Variants in RBM6 observed in about 807,000 individuals in gnomAD.
The protein encoded by RBM6 is RNA-binding protein 6.
Under a neutral mutation model 140.4 loss-of-function variants are expected in RBM6, and 23 were observed. The observed-to-expected ratio is 0.16, with a 90% CI of 0.12 to 0.23. The LOEUF (loss-of-function observed/expected upper bound fraction) is 0.23, where lower values mean the gene tolerates loss of function less well. Ranked by LOEUF, RBM6 falls within the 10% of genes least tolerant of loss-of-function variation. The pLI, the probability that RBM6 is intolerant of heterozygous loss-of-function variation, is 1.00. For synonymous variants in RBM6, 439 were observed against 475.6 expected (o/e 0.92, Z 1.00); for missense variants, 1,139 against 1,386.7 (o/e 0.82, Z 2.84).
intron 20 of RBM6, among the ~76,000 whole-genome samples, chr3:50,075,863 C>G (rs1419957870): frequency 6.6e-6 from 1 of 152,160 alleles, no homozygotes; most frequent in African/African-American, 2.4e-5. Context: ...TTATTTCTCT[C>G]CTACCGAGTT....
chr3:49,952,759 A>C (rs921510605), intron 1 of RBM6, among the ~76,000 whole-genome samples: 2 of 152,106 alleles, frequency 1.3e-5, no homozygotes, highest in Admixed American at 6.6e-5. Context: ...TGGCCTCCCA[A>C]AGTGTTGGGA....
intron 6 of RBM6, among the ~76,000 whole-genome samples, chr3:50,043,117 T>C (rs1046941721): frequency 2.0e-4 from 30 of 152,326 alleles, no homozygotes; most frequent in African/African-American, 7.2e-4. Context: ...TTTTAGCAGG[T>C]TTTAGTCTAA....
chr3:49,985,752 G>T (rs1437600341), intron 5 of RBM6, among the ~76,000 whole-genome samples: 5 of 151,674 alleles, frequency 3.3e-5, no homozygotes, highest in Non-Finnish European at 5.9e-5. Context: ...GACTACAGGC[G>T]CCTGCCACCA....
chr3:49,996,836 T>C (rs897374324), intron 5 of RBM6, among the ~76,000 whole-genome samples: 2 of 152,196 alleles, frequency 1.3e-5, no homozygotes, highest in Admixed American at 6.5e-5. Flanking sequence ...TATGATCTTA[T>C]TGAAGAGTGA....
At chr3:50,061,323 G>C (rs567178080) in intron 13 of RBM6, 102 bp downstream of exon 13, 1 of 1,594,774 alleles carries the variant, frequency 6.3e-7, no homozygotes, top group African/African-American at 1.3e-5. Context: ...ACTGTTGACT[G>C]AGGGTGCTCA....
chr3:50,015,025 G>A (rs1216402172), intron 6 of RBM6, among the ~76,000 whole-genome samples: 9 of 127,942 alleles, frequency 7.0e-5, no homozygotes, highest in African/African-American at 2.4e-4. Context: ...CTCCAGCCTG[G>A]CCAACAGAGT....
chr3:50,019,468 C>T (rs995746168), intron 6 of RBM6, among the ~76,000 whole-genome samples: 3 of 152,096 alleles, frequency 2.0e-5, no homozygotes, highest in Non-Finnish European at 2.9e-5. Context: ...CTGAAAGGAG[C>T]TGTCTTTCTC....
intron 1 of RBM6, among the ~76,000 whole-genome samples, chr3:49,951,036 G>C (rs1005016224): frequency 6.6e-6 from 1 of 152,094 alleles, no homozygotes; most frequent in Admixed American, 6.6e-5. Context: ...AGGTAATTCT[G>C]ACATATGCTA....
intron 6 of RBM6, among the ~76,000 whole-genome samples, chr3:50,036,820 T>C (rs1410957649): frequency 1.3e-5 from 2 of 152,194 alleles, no homozygotes; most frequent in Non-Finnish European, 2.9e-5. Context: ...TCTTGCTCTG[T>C]CGCGAGGCTA....
chr3:50,034,090 CT>C (rs68118556), intron 6 of RBM6, among the ~76,000 whole-genome samples: 66,289 of 115,824 alleles, frequency 0.57, 18,282 homozygotes, highest in East Asian at 0.84. Flanking sequence ...TCTATACTTC[CT>C]TTTTTTTTTT....
At chr3:50,057,503 G>A (rs968700006) in intron 8 of RBM6, among the ~76,000 whole-genome samples, 1 of 141,396 alleles carries the variant, frequency 7.1e-6, no homozygotes, top group African/African-American at 2.6e-5. Flanking sequence ...CAGGAGAATC[G>A]CTTGAACCCG....
At chr3:50,034,445 C>T (rs1020894217) in intron 6 of RBM6, among the ~76,000 whole-genome samples, 3 of 152,142 alleles carry the variant, frequency 2.0e-5, no homozygotes, top group African/African-American at 4.8e-5. Context: ...TCTTTCCATT[C>T]TGCAGTTTTC....
At chr3:50,006,010 T>C (rs527656026) in intron 6 of RBM6, among the ~76,000 whole-genome samples, 2 of 152,060 alleles carry the variant, frequency 1.3e-5, no homozygotes, top group South Asian at 4.2e-4. Context: ...AAATTGAAAG[T>C]GAGTTTAAGG....
rs377476421 is a variant in RBM6, at chr3:50,058,532, C to G, written c.2100C>G (p.Thr700=). 1.2e-6 allele frequency: 2 copies of G among 1,611,470 alleles called. No homozygotes were observed. The highest frequency in any genetic ancestry group is 1.7e-6 in the Non-Finnish European group (2 of 1,177,610). The change falls in exon 10 of 21, where the codon ACC becomes ACG. Residue 700 remains threonine (T), a synonymous_variant. Coordinates refer to ENST00000266022, the MANE Select transcript of RBM6 (RefSeq NM_005777.3). ...IKNRTGPMGH[T]YGFIDLDSHA... ...ACAGAACAGGCCCTATGGGGCATAC[C>G]TATGGCTTTATTGACCTCGACTCCC...
At chr3:50,023,447 A>G (rs963587092) in intron 6 of RBM6, among the ~76,000 whole-genome samples, 1 of 152,072 alleles carries the variant, frequency 6.6e-6, no homozygotes, top group African/African-American at 2.4e-5. Context: ...CTGGGATTAC[A>G]GGTGCCTGCC....
At chr3:49,945,774 G>T (rs980680401) in intron 1 of RBM6, among the ~76,000 whole-genome samples, 4 of 151,232 alleles carry the variant, frequency 2.6e-5, no homozygotes, top group Non-Finnish European at 5.9e-5. Flanking sequence ...CCCAGCTGCT[G>T]GGGAGGCTGG....
At chr3:50,040,860 G>A (rs546522661) in intron 6 of RBM6, among the ~76,000 whole-genome samples, 8 of 152,052 alleles carry the variant, frequency 5.3e-5, no homozygotes, top group African/African-American at 1.9e-4. Context: ...GCCCAGGCTG[G>A]TCTCGAACTC....
intron 7 of RBM6, among the ~76,000 whole-genome samples, chr3:50,052,239 A>G (rs911524963): frequency 1.3e-5 from 2 of 152,070 alleles, no homozygotes; most frequent in East Asian, 1.9e-4. Flanking sequence ...TAATTTTTGT[A>G]TTTTTAATAG....
intron 1 of RBM6, among the ~76,000 whole-genome samples, chr3:49,945,881 CAAAAAAAAAAAAA>C (rs67271820): frequency 1.6e-5 from 1 of 61,924 alleles, no homozygotes; most frequent in African/African-American, 6.1e-5. Flanking sequence ...GACTCCATCT[CAAAAAAAAAAAAA>C]AAAAAAAAAA....
Sources: gnomAD v4.1 joint callset for allele counts (sites outside exome capture counted in the v4.1 genomes callset) on GRCh38, gnomAD v4.1.1 for gene constraint, MANE v1.5 for transcripts, NCBI Gene and HGNC (gene_info 2026-07-23, HGNC 2026-07-21) for gene names.